SRC: variants seen among roughly 807,000 people sequenced by gnomAD.
SRC encodes proto-oncogene tyrosine-protein kinase Src.
SRC carries 13 observed loss-of-function variants against 62.9 expected under a neutral mutation model. That is an observed-to-expected ratio of 0.21 (90% CI 0.13 to 0.33). The LOEUF is 0.33. Among genes scored for constraint, SRC ranks in the 10% least tolerant of loss-of-function variants. The pLI, the probability that SRC is intolerant of heterozygous loss-of-function variation, is 1.00. For synonymous variants in SRC, 302 were observed against 317.5 expected (o/e 0.95, Z 0.52); for missense variants, 457 against 737.3 (o/e 0.62, Z 4.40).
intron 2 of SRC, among the ~76,000 whole-genome samples, chr20:37,370,718 T>G (rs2070149504): frequency 6.6e-6 from 1 of 152,212 alleles, no homozygotes; most frequent in Non-Finnish European, 1.5e-5. Flanking sequence ...TTCATTTTCA[T>G]AAAAGTCATT....
At chr20:37,377,094 G>A (rs946946176) in intron 2 of SRC, among the ~76,000 whole-genome samples, 2 of 152,228 alleles carry the variant, frequency 1.3e-5, no homozygotes, top group Non-Finnish European at 2.9e-5. Context: ...TCACTGTGCT[G>A]TTGGGTCAAT....
intron 2 of SRC, among the ~76,000 whole-genome samples, 170 bp from the exon 3 acceptor site, chr20:37,382,449 A>C (rs2070379780): frequency 6.6e-6 from 1 of 152,184 alleles, no homozygotes; most frequent in Non-Finnish European, 1.5e-5. Context: ...AGGGTTGAAA[A>C]GACTTTGGGA....
intron 2 of SRC, among the ~76,000 whole-genome samples, chr20:37,373,504 T>A (rs190173990): frequency 6.6e-6 from 1 of 151,212 alleles, no homozygotes; most frequent in African/African-American, 2.4e-5. Flanking sequence ...GGATATGAGG[T>A]TTCACCATGT....
At position 37,398,551 on chromosome 20, in the gene SRC, G is replaced by A. The variant is rs942183480; in HGVS notation, c.859+697G>A. On this transcript the variant is annotated intron_variant, in intron 9 of 13. Transcript: ENST00000373578. This position sits in a 1 kb window ranked among gnomAD's most constrained non-coding sequence, Gnocchi z 5.2. The stretch of plus-strand genomic sequence containing the variant: ...CTCACTCCCACTGCCTCCACGTTCC[G>A]CCCTCCAGAGGGCTGATGGAGGAGA... 2.0e-5 allele frequency among the ~76,000 whole-genome samples: 3 copies of A among 152,194 alleles called. No individual in the cohort carries two copies.
intron 1 of SRC, among the ~76,000 whole-genome samples, chr20:37,354,068 A>C (rs2069844715): frequency 6.6e-6 from 1 of 152,162 alleles, no homozygotes; most frequent in Non-Finnish European, 1.5e-5. Flanking sequence ...ATTTGTATTA[A>C]CCTGGGGAAG....
chr20:37,362,043 G>A (rs2069982528), intron 1 of SRC, among the ~76,000 whole-genome samples: 1 of 151,982 alleles, frequency 6.6e-6, no homozygotes, highest in Non-Finnish European at 1.5e-5. Context: ...GCCCAGGTTA[G>A]CTCTTATTTA....
rs181314185 is a variant in SRC at position 37,390,317 on chromosome 20, G to T, written c.351-3578G>T. Among the ~76,000 whole-genome samples the T allele has an allele frequency of 6.5e-5, 9 of 137,920 alleles. No homozygotes were observed. The East Asian group carries it at 2.0e-3, about 31-fold the overall frequency. 90.5% of individuals were successfully genotyped at this position (137,920 alleles called of 152,430 possible). A position where few individuals can be genotyped will look rare whatever the true frequency, so the allele number is the denominator to read the frequency against. ...TCACTGTGGAAATACCAATTTAGTT[G>T]TTTTTATTTTTATTTTTTAGCTAAA... On this transcript the variant is annotated intron_variant, in intron 5 of 13. Transcript: ENST00000373578.
At chr20:37,362,246 G>A (rs1371039369) in intron 1 of SRC, among the ~76,000 whole-genome samples, 3 of 150,552 alleles carry the variant, frequency 2.0e-5, no homozygotes, top group Admixed American at 6.6e-5. Flanking sequence ...TTTTTGTAGC[G>A]ATGGGGGTCT....
chr20:37,353,493 G>A (rs1326526241), intron 1 of SRC, among the ~76,000 whole-genome samples: 2 of 152,100 alleles, frequency 1.3e-5, no homozygotes, highest in South Asian at 2.1e-4. Flanking sequence ...GACCAGACAC[G>A]CCCGGGACCC....
At chr20:37,355,057 C>A (rs1262328628) in intron 1 of SRC, among the ~76,000 whole-genome samples, 1 of 152,124 alleles carries the variant, frequency 6.6e-6, no homozygotes, top group Non-Finnish European at 1.5e-5. Context: ...GTTTGGGGAG[C>A]ACCCTGTAGC....
chr20:37,347,194 G>A (rs1568614842), intron 1 of SRC, among the ~76,000 whole-genome samples: 1 of 152,200 alleles, frequency 6.6e-6, no homozygotes, highest in Admixed American at 6.5e-5. Context: ...TGAACTTCAT[G>A]GACTCTGTAC....
At chr20:37,375,154 C>T (rs1350073363) in intron 2 of SRC, among the ~76,000 whole-genome samples, 1 of 151,930 alleles carries the variant, frequency 6.6e-6, no homozygotes, top group African/African-American at 2.4e-5. Flanking sequence ...TGATCTCGAA[C>T]TCCTGACCTC....
chr20:37,367,030 A>G (rs77759516), intron 2 of SRC, among the ~76,000 whole-genome samples: 1 of 150,534 alleles, frequency 6.6e-6, no homozygotes, highest in Non-Finnish European at 1.5e-5. Context: ...TCTTGCCAAC[A>G]TTTGTCTTTT....
chr20:37,369,544 T>G (rs2146973661), intron 2 of SRC, among the ~76,000 whole-genome samples: 1 of 152,302 alleles, frequency 6.6e-6, no homozygotes, highest in African/African-American at 2.4e-5. Flanking sequence ...GGTGGAATTC[T>G]TAGGATTTTC....
intron 1 of SRC, among the ~76,000 whole-genome samples, chr20:37,356,038 CT>C (rs2069877885): frequency 6.6e-6 from 1 of 152,176 alleles, no homozygotes; most frequent in Non-Finnish European, 1.5e-5. Flanking sequence ...GGCTCAATTA[CT>C]TTTGCCAAGT....
In SRC at chr20:37,402,708, A is replaced by G; in HGVS notation, c.1271-41A>G. On this transcript the variant is annotated intron_variant, in intron 12 of 13. Coordinates refer to ENST00000373578, the MANE Select transcript of SRC (RefSeq NM_198291.3). The surrounding 1 kb of genome is among the most constrained non-coding windows in gnomAD (Gnocchi z 6.2). ...GTGCTTATCTAGCAGAGCGGTCATGACAGGAGGTCAGAGCTGCCCTGACCT... is the reference window on the plus strand; with the variant it reads ...GTGCTTATCTAGCAGAGCGGTCATGGCAGGAGGTCAGAGCTGCCCTGACCT... 6.3e-7 allele frequency: 1 copy of G among 1,587,846 alleles called. No individual in the cohort carries two copies. The highest frequency in any genetic ancestry group is 8.6e-7 in the Non-Finnish European group (1 of 1,165,792).
chr20:37,403,230 C>T lies in SRC; in HGVS notation c.1462C>T (p.Pro488Ser). The change falls in exon 14 of 14, where the codon CCG becomes TCG. Residue 488 changes from proline to serine, a missense_variant. Pro to Ser is a moderately conservative substitution (Grantham distance 74). This residue lies in a region of SRC where 168 missense variants were observed against 357.8 expected (regional missense o/e 0.47). Coordinates refer to ENST00000373578, the MANE Select transcript of SRC (RefSeq NM_198291.3). The surrounding 1 kb of genome is among the most constrained non-coding windows in gnomAD (Gnocchi z 7.1). ...GCGGGGCTACCGGATGCCCTGCCCG[C>T]CGGAGTGTCCCGAGTCCCTGCACGA... ...VERGYRMPCP[P>S]ECPESLHDLM... 1 of 1,578,640 alleles carries T rather than the reference C, an allele frequency of 6.3e-7. No individual in the cohort carries two copies. Among genetic ancestry groups the T allele is most frequent in the South Asian group, 1.2e-5 (1 of 86,542 alleles).
At chr20:37,362,391 C>G (rs2069988305) in intron 1 of SRC, among the ~76,000 whole-genome samples, 2 of 152,100 alleles carry the variant, frequency 1.3e-5, no homozygotes, top group South Asian at 4.1e-4. Flanking sequence ...GCCTTCCATT[C>G]AGCCACGTGG....
At chr20:37,348,884 C>T (rs1034988413) in intron 1 of SRC, among the ~76,000 whole-genome samples, 1 of 152,148 alleles carries the variant, frequency 6.6e-6, no homozygotes, top group African/African-American at 2.4e-5. Context: ...TGCCAGGCAG[C>T]AGGAAGTGCA....
Sources: gnomAD v4.1 joint callset for allele counts (sites outside exome capture counted in the v4.1 genomes callset) on GRCh38, gnomAD v4.1.1 for gene constraint, gnomAD v4.1.1 regional missense constraint, Gnocchi (gnomAD v3.1) non-coding constraint, MANE v1.5 for transcripts, NCBI Gene and HGNC (gene_info 2026-07-23, HGNC 2026-07-21) for gene names.